The following SMC5 variants were observed in gnomAD, a reference collection of about 807,000 sequenced individuals.
SMC5 encodes the protein structural maintenance of chromosomes protein 5.
A neutral mutation model predicts 148.3 loss-of-function variants in SMC5; 88 were observed. That is an observed-to-expected ratio of 0.59 (90% CI 0.50 to 0.71). SMC5 has a LOEUF of 0.71. SMC5 is among the 30% of genes least tolerant of loss of function. The pLI is 0.00. For synonymous variants in SMC5, 421 were observed against 432.8 expected (o/e 0.97, Z 0.34); for missense variants, 1,142 against 1,298.9 (o/e 0.88, Z 1.86).
chr9:70,259,378 G>A, intron 1 of SMC5, 115 bp downstream of exon 1: 1 of 1,125,564 alleles, frequency 8.9e-7, no homozygotes, highest in Non-Finnish European at 1.2e-6. Flanking sequence ...TGTGGGTCTG[G>A]CCTTGAATTC....
intron 11 of SMC5, among the ~76,000 whole-genome samples, chr9:70,313,770 G>A (rs532564027): frequency 4.3e-4 from 66 of 152,246 alleles, no homozygotes; most frequent in African/African-American, 1.2e-3. Flanking sequence ...AAAGTGCTGC[G>A]ATTACAGGTG....
chr9:70,321,886 C>T (rs2035956652), intron 15 of SMC5, among the ~76,000 whole-genome samples: 1 of 150,966 alleles, frequency 6.6e-6, no homozygotes, highest in South Asian at 2.1e-4. Flanking sequence ...CCTACCATAA[C>T]ACAGCCCACA....
intron 17 of SMC5, among the ~76,000 whole-genome samples, chr9:70,333,877 A>G (rs1025592925): frequency 9.5e-6 from 1 of 105,012 alleles, no homozygotes; most frequent in African/African-American, 3.3e-5. Flanking sequence ...TTAAAATGTC[A>G]TTTCTCTTCC....
At position 70,334,129 on chromosome 9, in the gene SMC5, G is replaced by GTT. The variant is rs75387148; in HGVS notation, c.2398-10000_2398-9999dup. On this transcript the variant is annotated intron_variant, in intron 17 of 24. Coordinates refer to ENST00000361138, the MANE Select transcript of SMC5 (RefSeq NM_015110.4). The stretch of plus-strand genomic sequence containing the variant: ...CACATATTTATGGTCAGTTGTTGTT[G>GTT]TTTTTTTTTTTTTTTTGACAAAGAT... 1.3e-3 allele frequency among the ~76,000 whole-genome samples: 171 copies of GTT among 133,980 alleles called. 1 individual carries two copies. The highest frequency in any genetic ancestry group is 7.8e-3 in the South Asian group (32 of 4,098). The allele number at this position is 133,980 out of a possible 152,430, so 87.9% of individuals were successfully genotyped here.
chr9:70,309,318 CT>C (rs59694037), intron 11 of SMC5, among the ~76,000 whole-genome samples: 406 of 79,070 alleles, frequency 5.1e-3, no homozygotes, highest in African/African-American at 0.014. Context: ...TTTCCTTTTC[CT>C]TTTTTTTTTT....
At chr9:70,318,027 A>G (rs2035849199) in intron 13 of SMC5, among the ~76,000 whole-genome samples, 4 of 152,178 alleles carry the variant, frequency 2.6e-5, no homozygotes. Context: ...ATAGTAGCGT[A>G]GAAGTATAGC....
chr9:70,281,280 G>C (rs1320504249), intron 6 of SMC5, among the ~76,000 whole-genome samples: 1 of 152,102 alleles, frequency 6.6e-6, no homozygotes, highest in Non-Finnish European at 1.5e-5. Flanking sequence ...GACCTCAGGT[G>C]ATCTGCCCCC....
intron 17 of SMC5, among the ~76,000 whole-genome samples, chr9:70,329,006 C>T (rs2036155827): frequency 1.3e-5 from 2 of 152,222 alleles, no homozygotes; most frequent in Admixed American, 1.3e-4. Flanking sequence ...CCCGTTTAGC[C>T]ACACCCGGAG....
chr9:70,283,458 C>T (rs1163938767), intron 7 of SMC5, among the ~76,000 whole-genome samples: 2 of 151,838 alleles, frequency 1.3e-5, no homozygotes, highest in African/African-American at 4.8e-5. Flanking sequence ...CAGAGCGAGG[C>T]CCTATCTCAA....
Position 70,264,378 on chromosome 9 carries a change from C to A in SMC5, c.260C>A (p.Ser87Ter). The A allele has an allele frequency of 2.5e-6, 4 of 1,614,032 alleles. No homozygotes were observed. In the South Asian group the frequency reaches 3.3e-5, roughly 13 times the overall value. ...MIVGANGTGK[S>*]SIVCAICLGL... The stretch of plus-strand genomic sequence containing the variant: ...GTTGGAGCCAATGGAACAGGGAAGT[C>A]GAGCATTGTGTGTGCCATTTGCCTT... The change falls in exon 2 of 25, where the codon TCG becomes TAG. Residue 87 changes from serine (S) to a stop codon, truncating the protein, a stop_gained. Transcript: ENST00000361138. LOFTEE classifies it high-confidence loss of function.
chr9:70,270,731 C>T (rs1199586975), intron 3 of SMC5, among the ~76,000 whole-genome samples: 1 of 147,316 alleles, frequency 6.8e-6, no homozygotes, highest in Non-Finnish European at 1.5e-5. Flanking sequence ...ACTGCAACCT[C>T]TGTCTCCCGA....
At position 70,305,234 on chromosome 9, in the gene SMC5, CT is replaced by C. The variant is rs1564046604; in HGVS notation, c.1465-11del. ...TTTCATGAAATTCGACCTTTTTTTGCTTGTTTGTTTAGATCAATATGAAAGA... is the reference window on the plus strand; with the variant it reads ...TTTCATGAAATTCGACCTTTTTTTGCTGTTTGTTTAGATCAATATGAAAGA... On this transcript the variant is annotated splice_polypyrimidine_tract_variant and intron_variant, in intron 10 of 24. Coordinates refer to ENST00000361138, the MANE Select transcript of SMC5 (RefSeq NM_015110.4). 7.9e-7 allele frequency: 1 copy of C among 1,259,996 alleles called. No homozygotes were observed. 78.1% of individuals were successfully genotyped at this position (1,259,996 alleles called of 1,614,324 possible).
At chr9:70,289,295 C>T (rs2034994086) in intron 8 of SMC5, among the ~76,000 whole-genome samples, 1 of 152,146 alleles carries the variant, frequency 6.6e-6, no homozygotes, top group Admixed American at 6.5e-5. Flanking sequence ...GCCTTGGCCT[C>T]CCAAAGTGCT....
chr9:70,350,163 G>A lies in SMC5; in HGVS notation c.2939G>A (p.Ser980Asn). 1 of 1,612,862 alleles carries A rather than the reference G, an allele frequency of 6.2e-7. No individual in the cohort carries two copies. Among genetic ancestry groups the A allele is most frequent in the Non-Finnish European group, 8.5e-7 (1 of 1,179,450 alleles). ...GIRIRVKFRS[S>N]TQLHELTPHH... is the part of the protein sequence containing the mutation. ...CGAATTAGAGTCAAATTTCGAAGTA[G>A]TACTCAACTGCATGAATTAACTCCT... is the stretch of plus-strand genomic sequence containing the variant. Residue 980 changes from serine (S) to asparagine (N), a missense_variant, in exon 23 of 25, where the codon AGT becomes AAT. Around this residue, in one of 5 missense-constraint regions of SMC5, gnomAD observed 743 missense variants for 835.7 expected, o/e 0.89. Coordinates refer to ENST00000361138, the MANE Select transcript of SMC5 (RefSeq NM_015110.4).
chr9:70,276,495 C>T (rs1372732562), intron 3 of SMC5, among the ~76,000 whole-genome samples: 2 of 152,034 alleles, frequency 1.3e-5, no homozygotes, highest in African/African-American at 2.4e-5. Context: ...CTTTATTAGT[C>T]GTTCTGCTGG....
At chr9:70,344,325 A>G in intron 18 of SMC5, 56 bp downstream of exon 18, 2 of 1,299,120 alleles carry the variant, frequency 1.5e-6, no homozygotes, top group Non-Finnish European at 2.0e-6. Flanking sequence ...TTTTAAGATT[A>G]TGGAATCTTA....
intron 11 of SMC5, among the ~76,000 whole-genome samples, chr9:70,313,481 G>GT (rs1001469719): frequency 4.6e-5 from 7 of 151,456 alleles, no homozygotes; most frequent in Middle Eastern, 3.4e-3. Context: ...CTTAGTAGTT[G>GT]TTTTTTTTGT....
At chr9:70,305,683 T>A (rs940296982) in intron 11 of SMC5, among the ~76,000 whole-genome samples, 2 of 152,198 alleles carry the variant, frequency 1.3e-5, no homozygotes, top group African/African-American at 4.8e-5. Context: ...ACATCCTTTT[T>A]TTGAAAATGT....
intron 11 of SMC5, among the ~76,000 whole-genome samples, chr9:70,307,720 T>C (rs1020169678): frequency 1.3e-5 from 2 of 152,086 alleles, no homozygotes; most frequent in East Asian, 3.9e-4. Context: ...ACCAGGCTGC[T>C]CTCGAACTCC....
Sources: gnomAD v4.1 joint callset for allele counts (sites outside exome capture counted in the v4.1 genomes callset) on GRCh38, gnomAD v4.1.1 for gene constraint, gnomAD v4.1.1 regional missense constraint, MANE v1.5 for transcripts, NCBI Gene and HGNC (gene_info 2026-07-23, HGNC 2026-07-21) for gene names.